Variants in DNAH8 observed in about 807,000 individuals in gnomAD.
DNAH8 encodes the protein axonemal beta dynein heavy chain 8.
DNAH8 carries 382 observed loss-of-function variants against 562.1 expected under a neutral mutation model. The observed-to-expected ratio is 0.68, with a 90% confidence interval of 0.63 to 0.74. DNAH8 has a LOEUF of 0.74. Among genes scored for constraint, DNAH8 ranks in the 30% least tolerant of loss-of-function variants. The pLI is 0.00. For missense variants in DNAH8, 5,203 were observed against 5,620.4 expected (o/e 0.93, Z 2.37); for synonymous variants, 1,881 against 1,919.4 (o/e 0.98, Z 0.52).
At chr6:38,972,449 A>G (rs1420264411) in intron 83 of DNAH8, among the ~76,000 whole-genome samples, 1 of 152,196 alleles carries the variant, frequency 6.6e-6, no homozygotes, top group Non-Finnish European at 1.5e-5. Context: ...ATTAAATTCA[A>G]TAATTTATTT....
intron 85 of DNAH8, among the ~76,000 whole-genome samples, chr6:38,977,261 C>T (rs939903966): frequency 9.2e-5 from 14 of 152,128 alleles, no homozygotes; most frequent in Admixed American, 8.5e-4. Flanking sequence ...CATAGATGCA[C>T]GAGGCAACGC....
intron 50 of DNAH8, 54 bp from the exon 51 acceptor site, chr6:38,872,852 T>G: frequency 1.2e-6 from 2 of 1,606,440 alleles, no homozygotes; most frequent in East Asian, 4.5e-5. Flanking sequence ...TTTTGATTTT[T>G]CCATTTTAAT....
chr6:38,739,418 T>G (rs1764354153), intron 7 of DNAH8, among the ~76,000 whole-genome samples: 1 of 152,226 alleles, frequency 6.6e-6, no homozygotes, highest in Non-Finnish European at 1.5e-5. Flanking sequence ...CTTAAATTCT[T>G]TATTTATTTT....
rs761889201 is a variant in DNAH8, at chr6:38,909,583, C to T, written c.9579C>T (p.Asp3193=). The change falls in exon 65 of 93, where the codon GAC becomes GAT. Residue 3193 remains aspartate, a synonymous_variant. Coordinates refer to ENST00000327475, the MANE Select transcript of DNAH8 (RefSeq NM_001206927.2). The stretch of plus-strand genomic sequence containing the variant: ...GCTTGATATCAGGTTGCACTATGGA[C>T]TGGTTCAGCCGCTGGCCAAGGGAGG... The part of the protein sequence containing the change: ...FPGLISGCTM[D]WFSRWPREAL... 3.1e-6 allele frequency: 5 copies of T among 1,614,024 alleles called. No homozygotes were observed. The African/African-American group carries it at 5.3e-5, about 17-fold the overall frequency.
At chr6:38,956,146 T>A (rs1371107337) in intron 82 of DNAH8, among the ~76,000 whole-genome samples, 1 of 152,140 alleles carries the variant, frequency 6.6e-6, no homozygotes, top group African/African-American at 2.4e-5. Context: ...GAGCTAACTG[T>A]GCAAGAGCCC....
At chr6:38,984,331 GT>G (rs1221910339) in intron 87 of DNAH8, 24 bp downstream of exon 87, 1 of 1,475,302 alleles carries the variant, frequency 6.8e-7, no homozygotes, top group African/African-American at 1.4e-5. Flanking sequence ...GAAAAATAAA[GT>G]TTGGAGACAC....
At chr6:38,717,409 G>C (rs1762422375) in intron 1 of DNAH8, among the ~76,000 whole-genome samples, 1 of 151,980 alleles carries the variant, frequency 6.6e-6, no homozygotes, top group African/African-American at 2.4e-5. Flanking sequence ...CTGCAGCCTT[G>C]ACCTCCTGGG....
rs1776067729 is a variant in DNAH8 at position 38,854,938 on chromosome 6, T to C, written c.5733+1591T>C. 2.0e-5 allele frequency among the ~76,000 whole-genome samples: 3 copies of C among 148,772 alleles called. No individual in the cohort carries two copies. In the South Asian group the frequency reaches 6.2e-4, roughly 31 times the overall value. ...TTTTTACAATGTATATAATACATAT[T>C]TTACAAAGTATTTTATACAATGTAT... On this transcript the variant is annotated intron_variant, in intron 41 of 92. Transcript: ENST00000327475.
chr6:38,839,609 C>T (rs1197344923), intron 33 of DNAH8, among the ~76,000 whole-genome samples: 2 of 151,946 alleles, frequency 1.3e-5, no homozygotes, highest in African/African-American at 2.4e-5. Flanking sequence ...CCTCCCACCT[C>T]GGCCTCCCAT....
chr6:38,903,786 A>G (rs1780248013), intron 62 of DNAH8, among the ~76,000 whole-genome samples: 1 of 151,364 alleles, frequency 6.6e-6, no homozygotes, highest in Admixed American at 6.6e-5. Context: ...TCATTTTTGT[A>G]TTTTTAGTAG....
intron 88 of DNAH8, among the ~76,000 whole-genome samples, chr6:38,995,514 G>A (rs989407760): frequency 1.3e-5 from 2 of 152,134 alleles, no homozygotes; most frequent in Non-Finnish European, 2.9e-5. Flanking sequence ...AAACCATCTG[G>A]GCTCAGTGCT....
rs114406199 is a variant in DNAH8, at chr6:38,957,943, A to G, written c.12451+6423A>G. Among the ~76,000 whole-genome samples, 142 of 152,038 alleles carry G rather than the reference A, an allele frequency of 9.3e-4. No individual in the cohort carries two copies. The Middle Eastern group carries it at 0.01, about 11-fold the overall frequency. On this transcript the variant is annotated intron_variant, in intron 82 of 92. Transcript: ENST00000327475. ...CAAGGAACTAGAAAGACAAGAACAA[A>G]TTCAACTCAAAATTTGAAGGAAAGA...
chr6:38,894,028 G>A (rs1007724171), intron 58 of DNAH8, among the ~76,000 whole-genome samples: 2 of 152,122 alleles, frequency 1.3e-5, no homozygotes, highest in East Asian at 1.9e-4. Context: ...GGTAGAAATA[G>A]TAAATTAGCA....
chr6:38,863,569 G>T (rs939467759), intron 44 of DNAH8, among the ~76,000 whole-genome samples: 3 of 152,020 alleles, frequency 2.0e-5, no homozygotes, highest in Admixed American at 6.6e-5. Context: ...CCTTTACTCC[G>T]CTCTTTCTCT....
intron 91 of DNAH8, among the ~76,000 whole-genome samples, chr6:39,024,871 T>C (rs1318509199): frequency 6.6e-6 from 1 of 152,218 alleles, no homozygotes; most frequent in African/African-American, 2.4e-5. Flanking sequence ...AAGAATCTTC[T>C]ATAAAAGTCC....
intron 35 of DNAH8, among the ~76,000 whole-genome samples, chr6:38,845,088 A>G (rs554819053): frequency 6.6e-6 from 1 of 152,052 alleles, no homozygotes; most frequent in African/African-American, 2.4e-5. Flanking sequence ...AAAAAAAAAT[A>G]TAGAAAAACC....
chr6:38,734,369 C>T, intron 4 of DNAH8, 105 bp from the exon 5 acceptor site: 2 of 1,240,918 alleles, frequency 1.6e-6, no homozygotes, highest in African/African-American at 1.8e-5. Context: ...TTGAAAACTT[C>T]TTACAATAAA....
intron 21 of DNAH8, among the ~76,000 whole-genome samples, chr6:38,800,932 T>C (rs1312382686): frequency 6.6e-6 from 1 of 152,212 alleles, no homozygotes; most frequent in African/African-American, 2.4e-5. Flanking sequence ...GTAATAATGT[T>C]TTATAGATAC....
At chr6:38,810,793 C>T (rs1771726908) in intron 24 of DNAH8, among the ~76,000 whole-genome samples, 1 of 152,024 alleles carries the variant, frequency 6.6e-6, no homozygotes, top group South Asian at 2.1e-4. Flanking sequence ...TTATTAAAAT[C>T]TCCAGGTTCT....
Sources: gnomAD v4.1 joint callset for allele counts (sites outside exome capture counted in the v4.1 genomes callset) on GRCh38, gnomAD v4.1.1 for gene constraint, MANE v1.5 for transcripts, NCBI Gene and HGNC (gene_info 2026-07-23, HGNC 2026-07-21) for gene names.